The following MBNL2 variants were observed in gnomAD, a reference collection of about 807,000 sequenced individuals.
MBNL2 encodes the protein muscleblind like splicing regulator 2, also known as muscleblind-like protein 2.
In MBNL2, 17 loss-of-function variants were observed where a neutral mutation model predicts 41.9. The observed-to-expected ratio is 0.41, with a 90% CI of 0.28 to 0.61. The LOEUF is 0.61. Among genes scored for constraint, MBNL2 ranks in the 20% least tolerant of loss-of-function variants. The pLI is 0.35. For synonymous variants in MBNL2, 195 were observed against 182.9 expected (o/e 1.07, Z -0.53); for missense variants, 336 against 505.6 (o/e 0.66, Z 3.22).
chr13:97,220,188 C>T (rs986051302), upstream of MBNL2, among the ~76,000 whole-genome samples: 1 of 152,172 alleles, frequency 6.6e-6, no homozygotes, highest in African/African-American at 2.4e-5. Context: ...CATTAGTGAG[C>T]ATTTATTATG....
chr13:97,246,316 T>G (rs2152826697), intron 1 of MBNL2, among the ~76,000 whole-genome samples: 1 of 152,116 alleles, frequency 6.6e-6, no homozygotes, highest in Middle Eastern at 3.4e-3. Context: ...CACACCTATT[T>G]ATGTGGGTGA....
the MBNL2 span, among the ~76,000 whole-genome samples, chr13:97,189,775 CAAAT>C: frequency 2.6e-5 from 4 of 152,190 alleles, no homozygotes; most frequent in Admixed American, 6.5e-5. Flanking sequence ...GCGGTACACA[CAAAT>C]AAAATTAATA....
intron 5 of MBNL2, among the ~76,000 whole-genome samples, chr13:97,353,242 G>A (rs148891995): frequency 1.3e-5 from 2 of 152,134 alleles, no homozygotes; most frequent in Admixed American, 1.3e-4. Context: ...CAGAACAAAA[G>A]CCAGGTTCTT....
At chr13:97,375,336 G>C (rs1594286629) in intron 8 of MBNL2, among the ~76,000 whole-genome samples, 4 of 152,298 alleles carry the variant, frequency 2.6e-5, no homozygotes, top group Admixed American at 2.6e-4. Flanking sequence ...TAGTCAAAGA[G>C]ATCTGAAACA....
chr13:97,233,120 C>T (rs1226041585), intron 1 of MBNL2, among the ~76,000 whole-genome samples: 1 of 95,734 alleles, frequency 1.0e-5, no homozygotes, highest in Non-Finnish European at 2.1e-5. Context: ...GCTTCAGGCT[C>T]TTTTTCATAT....
intron 3 of MBNL2, among the ~76,000 whole-genome samples, chr13:97,337,547 A>G (rs2060991918): frequency 6.6e-6 from 1 of 151,938 alleles, no homozygotes; most frequent in African/African-American, 2.4e-5. Context: ...GTGTCTGTCA[A>G]TCATCTATAG....
chr13:97,291,931 G>A (rs560638434), intron 2 of MBNL2, among the ~76,000 whole-genome samples: 153 of 111,708 alleles, frequency 1.4e-3, no homozygotes, highest in African/African-American at 5.3e-3. Context: ...GGCTGGGTGC[G>A]GTGGCTCACG....
At chr13:97,187,824 G>A in the MBNL2 span, among the ~76,000 whole-genome samples, 10 of 151,232 alleles carry the variant, frequency 6.6e-5, no homozygotes, top group East Asian at 9.8e-4. Flanking sequence ...GGAGAATGGC[G>A]TGAACCCCGG....
In MBNL2 at chr13:97,367,339, G is replaced by C. The variant is rs756977832; in HGVS notation, c.1048+2168G>C. Among the ~76,000 whole-genome samples the C allele has an allele frequency of 1.6e-4, 25 of 152,316 alleles. No individual in the cohort carries two copies. In the Middle Eastern group the frequency reaches 0.01, roughly 62 times the overall value. The stretch of plus-strand genomic sequence containing the variant: ...GCTCCTAGCCACAAGGAGACAGCGT[G>C]AGGGTGAGTGAGCAGAAACTCTCAC... On this transcript the variant is annotated intron_variant, in intron 8 of 8. Coordinates refer to ENST00000679496, the MANE Select transcript of MBNL2 (RefSeq NM_001382683.1).
chr13:97,380,516 A>G (rs2065348685), intron 8 of MBNL2, among the ~76,000 whole-genome samples: 1 of 151,824 alleles, frequency 6.6e-6, no homozygotes, highest in African/African-American at 2.4e-5. Context: ...AAACAAAAAA[A>G]AACCACACCC....
the MBNL2 span, among the ~76,000 whole-genome samples, chr13:97,163,680 C>T: frequency 6.6e-6 from 1 of 152,202 alleles, no homozygotes; most frequent in Non-Finnish European, 1.5e-5. Flanking sequence ...CTCTTCCTCT[C>T]GCTCACACGG....
chr13:97,317,145 G>T (rs2059128290), intron 2 of MBNL2, among the ~76,000 whole-genome samples: 1 of 152,152 alleles, frequency 6.6e-6, no homozygotes, highest in Non-Finnish European at 1.5e-5. Context: ...GTAACTCAAT[G>T]TGGGAGATGC....
At chr13:97,264,695 G>A in intron 1 of MBNL2, among the ~76,000 whole-genome samples, 1 of 152,194 alleles carries the variant, frequency 6.6e-6, no homozygotes, top group Middle Eastern at 3.2e-3. Context: ...CAAAAAAGGG[G>A]TTATTAGTAT....
At chr13:97,194,313 T>A in the MBNL2 span, among the ~76,000 whole-genome samples, 2 of 152,250 alleles carry the variant, frequency 1.3e-5, no homozygotes, top group Non-Finnish European at 2.9e-5. Flanking sequence ...TGCCTACCAC[T>A]GTACCTGGTA....
chr13:97,213,068 A>G, the MBNL2 span, among the ~76,000 whole-genome samples: 2 of 152,190 alleles, frequency 1.3e-5, no homozygotes, highest in Non-Finnish European at 2.9e-5. Context: ...CCAGATAACC[A>G]TGGTTGTGAG....
At chr13:97,195,486 A>G in the MBNL2 span, among the ~76,000 whole-genome samples, 7 of 152,164 alleles carry the variant, frequency 4.6e-5, no homozygotes, top group African/African-American at 1.4e-4. Context: ...CAGAAAAAAA[A>G]TTGTCTAATA....
chr13:97,191,242 G>C, the MBNL2 span, among the ~76,000 whole-genome samples: 2 of 151,496 alleles, frequency 1.3e-5, no homozygotes, highest in Admixed American at 1.3e-4. Flanking sequence ...CCCTGGGAAG[G>C]GTGTGCACTG....
intron 8 of MBNL2, among the ~76,000 whole-genome samples, chr13:97,379,510 T>C (rs924026218): frequency 6.6e-6 from 1 of 152,170 alleles, no homozygotes; most frequent in African/African-American, 2.4e-5. Flanking sequence ...GATGAATATT[T>C]TAGGCAGCCT....
chr13:97,343,353 C>T, intron 4 of MBNL2, 137 bp downstream of exon 4: 1 of 652,566 alleles, frequency 1.5e-6, no homozygotes, highest in Non-Finnish European at 2.6e-6. Flanking sequence ...ACCTAAAACC[C>T]ATGTATTCAT....
Sources: gnomAD v4.1 joint callset for allele counts (sites outside exome capture counted in the v4.1 genomes callset) on GRCh38, gnomAD v4.1.1 for gene constraint, MANE v1.5 for transcripts, NCBI Gene and HGNC (gene_info 2026-07-23, HGNC 2026-07-21) for gene names.